The following PUM1 variants were observed in gnomAD, a reference collection of about 807,000 sequenced individuals.
PUM1 encodes the protein pumilio homolog 1.
PUM1 carries 13 observed loss-of-function variants against 131.8 expected under a neutral mutation model. The ratio of observed to expected loss-of-function variants is 0.10; its 90% CI spans 0.06 to 0.16. PUM1 has a LOEUF of 0.16. Among genes scored for constraint, PUM1 ranks in the 10% least tolerant of loss-of-function variants. The pLI, the probability that PUM1 is intolerant of heterozygous loss-of-function variation, is 1.00. For synonymous variants in PUM1, 509 were observed against 556.5 expected (o/e 0.91, Z 1.20); for missense variants, 961 against 1,512.4 (o/e 0.64, Z 6.05).
intron 21 of PUM1, among the ~76,000 whole-genome samples, chr1:30,934,744 A>G (rs150611197): frequency 6.6e-6 from 1 of 152,118 alleles, no homozygotes; most frequent in Admixed American, 6.6e-5. Context: ...CTGAAATCCA[A>G]TCCATTCCTC....
chr1:30,933,868 G>A (rs1384096373), intron 21 of PUM1, among the ~76,000 whole-genome samples: 1 of 152,208 alleles, frequency 6.6e-6, no homozygotes, highest in Non-Finnish European at 1.5e-5. Context: ...GACAAGAAGA[G>A]AAATGATGAA....
chr1:31,009,782 A>AAAAACAAAAAC (rs1553150217), intron 3 of PUM1, among the ~76,000 whole-genome samples: 5,702 of 124,786 alleles, frequency 0.046, 276 homozygotes, highest in African/African-American at 0.11. Flanking sequence ...AAAAAAAAAA[A>AAAAACAAAAAC]AAAAACAAAA....
intron 1 of PUM1, chr1:31,061,599 A>AAAAT (rs905994787): frequency 7.2e-5 from 11 of 151,750 alleles, no homozygotes; most frequent in Non-Finnish European, 1.5e-4. Context: ...ACTCTGTCTC[A>AAAAT]AAATAAATAA....
intron 2 of PUM1, among the ~76,000 whole-genome samples, chr1:31,035,971 GA>G (rs1570321366): frequency 6.6e-6 from 1 of 152,028 alleles, no homozygotes; most frequent in African/African-American, 2.4e-5. Context: ...CTGGCACTGC[GA>G]AACAGACGTT....
chr1:30,958,080 T>C (rs148358986), intron 14 of PUM1, among the ~76,000 whole-genome samples: 1 of 152,190 alleles, frequency 6.6e-6, no homozygotes, highest in Non-Finnish European at 1.5e-5. Flanking sequence ...AACACATACA[T>C]GACTACTGCT....
chr1:30,963,858 T>C (rs1640518154), intron 14 of PUM1, among the ~76,000 whole-genome samples: 1 of 152,246 alleles, frequency 6.6e-6, no homozygotes. Flanking sequence ...ATGGTGACTC[T>C]ACATCTAGCA....
chr1:30,968,175 A>G, intron 11 of PUM1, 179 bp downstream of exon 11: 2 of 855,926 alleles, frequency 2.3e-6, no homozygotes, highest in Non-Finnish European at 4.0e-6. Context: ...CTGGCTCAGA[A>G]CAATGCTCTC....
At chr1:31,059,609 T>C in intron 1 of PUM1, 32 bp from the exon 2 acceptor site, 3 of 1,533,884 alleles carry the variant, frequency 2.0e-6, no homozygotes, top group Non-Finnish European at 2.6e-6. Flanking sequence ...ATATTTAATA[T>C]TTCCATCTTT....
At chr1:30,997,135 G>A (rs542049532) in intron 5 of PUM1, among the ~76,000 whole-genome samples, 6 of 152,230 alleles carry the variant, frequency 3.9e-5, no homozygotes, top group African/African-American at 7.2e-5. Flanking sequence ...ATCATCTTCC[G>A]CAGTCTACAA....
At chr1:31,015,397 A>G (rs1429088386) in intron 3 of PUM1, among the ~76,000 whole-genome samples, 1 of 151,624 alleles carries the variant, frequency 6.6e-6, no homozygotes, top group East Asian at 1.9e-4. Flanking sequence ...GCTGGAGTGC[A>G]GTGGCATGAT....
chr1:30,989,734 A>G (rs1276493032), intron 7 of PUM1, among the ~76,000 whole-genome samples: 1 of 152,166 alleles, frequency 6.6e-6, no homozygotes. Context: ...AATTTAAATG[A>G]TAAAGTGAGT....
At chr1:31,037,239 G>GT (rs1418305677) in intron 2 of PUM1, 2 of 152,598 alleles carry the variant, frequency 1.3e-5, no homozygotes, top group African/African-American at 2.4e-5. Context: ...ATCAAAGATC[G>GT]TAACACTTGG....
At chr1:30,935,626 T>G (rs576820553) in intron 21 of PUM1, 1 of 453,634 alleles carries the variant, frequency 2.2e-6, no homozygotes, top group South Asian at 1.5e-5. Context: ...CAACTGCCAC[T>G]GCCAACACCA....
chr1:31,003,561 A>G (rs1642291905), intron 5 of PUM1, among the ~76,000 whole-genome samples: 1 of 152,174 alleles, frequency 6.6e-6, no homozygotes, highest in Admixed American at 6.5e-5. Flanking sequence ...GTTTGAGACC[A>G]GCCTGGCCAA....
intron 1 of PUM1, among the ~76,000 whole-genome samples, chr1:31,063,486 G>T (rs1212968919): frequency 6.6e-6 from 1 of 152,010 alleles, no homozygotes; most frequent in Non-Finnish European, 1.5e-5. Flanking sequence ...GCTGAGAGAA[G>T]GATAATGAGA....
chr1:30,955,553 A>G (rs1640128499), intron 14 of PUM1, among the ~76,000 whole-genome samples: 1 of 152,132 alleles, frequency 6.6e-6, no homozygotes, highest in African/African-American at 2.4e-5. Flanking sequence ...AATAGAAAAA[A>G]GATGCCAAGC....
intron 6 of PUM1, 95 bp from the exon 7 acceptor site, chr1:30,992,755 T>A: frequency 9.9e-7 from 1 of 1,007,264 alleles, no homozygotes; most frequent in Non-Finnish European, 1.5e-6. Context: ...ACATAGCTCA[T>A]TATCAACAGT....
At chr1:30,975,962 C>T (rs1641121340) in intron 9 of PUM1, among the ~76,000 whole-genome samples, 2 of 151,868 alleles carry the variant, frequency 1.3e-5, no homozygotes, top group African/African-American at 4.8e-5. Flanking sequence ...GTGGCAGATG[C>T]CTGTAATCCC....
At chr1:30,972,064 G>A (rs944551724) in intron 10 of PUM1, among the ~76,000 whole-genome samples, 8 of 151,206 alleles carry the variant, frequency 5.3e-5, no homozygotes, top group Admixed American at 5.3e-4. Context: ...AGATCAGCCT[G>A]GACAACATGG....
Sources: gnomAD v4.1 joint callset for allele counts (sites outside exome capture counted in the v4.1 genomes callset) on GRCh38, gnomAD v4.1.1 for gene constraint, MANE v1.5 for transcripts, NCBI Gene and HGNC (gene_info 2026-07-23, HGNC 2026-07-21) for gene names.